The following OSBPL10 variants were observed in gnomAD, a reference collection of about 807,000 sequenced individuals.
OSBPL10 encodes oxysterol-binding protein-related protein 10.
Under a neutral mutation model 81.7 loss-of-function variants are expected in OSBPL10, and 49 were observed. The ratio of observed to expected loss-of-function variants is 0.60; its 90% CI spans 0.48 to 0.76. The LOEUF (loss-of-function observed/expected upper bound fraction) is 0.76. Ranked by LOEUF, OSBPL10 falls within the 30% of genes least tolerant of loss-of-function variation. The probability of loss-of-function intolerance (pLI) is 0.00; values close to 1 mark genes in which losing one functional copy is unlikely to be tolerated. For missense variants in OSBPL10, 923 were observed against 987.8 expected, an observed-to-expected ratio of 0.93 and a Z score of 0.88; for synonymous variants, 419 against 383.6, an observed-to-expected ratio of 1.09 and a Z score of -1.08.
rs114462260 is a variant in OSBPL10 at position 31,939,910 on chromosome 3, G to A, written c.281+40989C>T. ...TACCACACCTGGCTAATAGAGGGAC[G>A]AGGTCTCACCATGTTGTTCAGGCTG... On this transcript the variant is annotated intron_variant, in intron 1 of 11. Transcript: ENST00000396556. Among the ~76,000 whole-genome samples the A allele has an allele frequency of 2.8e-3, 424 of 152,110 alleles. 4 individuals are homozygous for A. The highest frequency in any genetic ancestry group is 9.7e-3 in the African/African-American group (401 of 41,492).
chr3:31,858,588 T>C (rs1700985000), intron 3 of OSBPL10, among the ~76,000 whole-genome samples: 1 of 152,134 alleles, frequency 6.6e-6, no homozygotes, highest in Non-Finnish European at 1.5e-5. Context: ...CATCAAAAAT[T>C]ACTGTCCTCA....
chr3:31,987,806 A>G (rs544662790), intron 2 of OSBPL10, among the ~76,000 whole-genome samples: 7 of 152,240 alleles, frequency 4.6e-5, no homozygotes, highest in Non-Finnish European at 1.0e-4. Flanking sequence ...CAAAAAATTG[A>G]AAGACCTATA....
chr3:31,942,100 C>G, intron 1 of OSBPL10, among the ~76,000 whole-genome samples: 1 of 151,978 alleles, frequency 6.6e-6, no homozygotes, highest in East Asian at 1.9e-4. Flanking sequence ...CGGTGAAACC[C>G]CGTCTCTACT....
intron 5 of OSBPL10, among the ~76,000 whole-genome samples, chr3:31,747,581 T>A (rs891599441): frequency 2.0e-5 from 3 of 150,776 alleles, no homozygotes; most frequent in Admixed American, 1.3e-4. Flanking sequence ...GTCTGAAAGG[T>A]GTTCCATAGT....
intron 7 of OSBPL10, among the ~76,000 whole-genome samples, chr3:31,697,760 C>T (rs1394190460): frequency 6.6e-6 from 1 of 151,712 alleles, no homozygotes; most frequent in East Asian, 1.9e-4. Context: ...ATTACAGTAG[C>T]TTCCTCCTCT....
intron 1 of OSBPL10, among the ~76,000 whole-genome samples, chr3:31,978,472 C>T (rs1698743665): frequency 6.6e-6 from 1 of 152,176 alleles, no homozygotes; most frequent in Non-Finnish European, 1.5e-5. Context: ...CTTCTCTCTT[C>T]CTTTTCACTA....
chr3:31,970,934 G>A (rs953746694), intron 1 of OSBPL10, among the ~76,000 whole-genome samples: 8 of 152,040 alleles, frequency 5.3e-5, no homozygotes, highest in Non-Finnish European at 1.2e-4. Context: ...CTTCTACCAG[G>A]GACGCCCTGC....
intron 3 of OSBPL10, among the ~76,000 whole-genome samples, chr3:31,858,015 A>C (rs967039492): frequency 1.3e-3 from 162 of 125,450 alleles, no homozygotes; most frequent in African/African-American, 4.7e-3. Flanking sequence ...TTTTTTTTTG[A>C]GACAAGGTCT....
At chr3:31,716,477 G>A (rs764266772) in intron 6 of OSBPL10, among the ~76,000 whole-genome samples, 35 of 152,224 alleles carry the variant, frequency 2.3e-4, no homozygotes, top group Admixed American at 3.3e-4. Flanking sequence ...AGATTTGGGC[G>A]CACTCTAACA....
At chr3:31,728,413 C>A (rs577164618) in intron 6 of OSBPL10, among the ~76,000 whole-genome samples, 40 of 152,188 alleles carry the variant, frequency 2.6e-4, no homozygotes, top group African/African-American at 9.2e-4. Flanking sequence ...AGGTATCTGG[C>A]ACCAGATATT....
chr3:31,845,654 T>A (rs1181313297), intron 3 of OSBPL10, among the ~76,000 whole-genome samples: 1 of 152,178 alleles, frequency 6.6e-6, no homozygotes, highest in Non-Finnish European at 1.5e-5. Flanking sequence ...GAGGAAATGC[T>A]AAGCATGAGC....
chr3:31,869,522 G>A (rs1264320187), intron 3 of OSBPL10, among the ~76,000 whole-genome samples: 3 of 152,188 alleles, frequency 2.0e-5, no homozygotes, highest in Non-Finnish European at 4.4e-5. Context: ...CAATTTAGAA[G>A]ATTGAGGAAG....
At chr3:31,952,286 T>C (rs1697891830) in intron 1 of OSBPL10, among the ~76,000 whole-genome samples, 1 of 152,206 alleles carries the variant, frequency 6.6e-6, no homozygotes, top group Non-Finnish European at 1.5e-5. Context: ...TAAATTCATC[T>C]GTTTGTCCAG....
At chr3:31,760,390 T>G (rs1308982066) in intron 4 of OSBPL10, among the ~76,000 whole-genome samples, 1 of 152,220 alleles carries the variant, frequency 6.6e-6, no homozygotes, top group Non-Finnish European at 1.5e-5. Context: ...GGACTCCGCC[T>G]GGATATCAAA....
intron 1 of OSBPL10, among the ~76,000 whole-genome samples, chr3:31,940,727 G>A (rs1697510789): frequency 6.6e-6 from 1 of 151,800 alleles, no homozygotes; most frequent in Non-Finnish European, 1.5e-5. Flanking sequence ...CCACAGCTTT[G>A]GCATGGCCAC....
chr3:31,939,605 T>G (rs1466536062), intron 1 of OSBPL10, among the ~76,000 whole-genome samples: 1 of 151,714 alleles, frequency 6.6e-6, no homozygotes, highest in Non-Finnish European at 1.5e-5. Flanking sequence ...GAAACTCCCC[T>G]AGCTACAGTC....
intron 4 of OSBPL10, among the ~76,000 whole-genome samples, chr3:31,783,543 C>T (rs1354180901): frequency 1.3e-5 from 2 of 151,574 alleles, no homozygotes; most frequent in African/African-American, 4.8e-5. Flanking sequence ...GTAATCCCAG[C>T]ACTTTGGAAG....
At chr3:31,783,665 C>G (rs1245742948) in intron 4 of OSBPL10, among the ~76,000 whole-genome samples, 1 of 149,496 alleles carries the variant, frequency 6.7e-6, no homozygotes, top group East Asian at 2.0e-4. Context: ...GTGACAGGCA[C>G]CTGTAATCCC....
chr3:31,930,201 G>C (rs1402486066), intron 1 of OSBPL10, among the ~76,000 whole-genome samples: 1 of 151,560 alleles, frequency 6.6e-6, no homozygotes, highest in African/African-American at 2.4e-5. Context: ...CACAGATAAG[G>C]ATATATATAC....
Sources: allele counts gnomAD v4.1 joint callset (sites outside exome capture counted in the v4.1 genomes callset), GRCh38; gene constraint gnomAD v4.1.1; transcripts MANE v1.5; gene names NCBI Gene and HGNC (gene_info 2026-07-23, HGNC 2026-07-21).